The following LPP variants were observed in gnomAD, a reference collection of about 807,000 sequenced individuals.
LPP encodes the protein LIM domain containing preferred translocation partner in lipoma, also known as lipoma-preferred partner.
Under a neutral mutation model 60.4 loss-of-function variants are expected in LPP, and 38 were observed. The observed-to-expected ratio is 0.63, with a 90% confidence interval of 0.49 to 0.83. The LOEUF is 0.83. LPP is among the 40% of genes least tolerant of loss of function. The pLI is 0.00. For missense variants in LPP, 902 were observed against 783.6 expected, an observed-to-expected ratio of 1.15 and a Z score of -1.80; for synonymous variants, 328 against 290.8, an observed-to-expected ratio of 1.13 and a Z score of -1.30.
At chr3:188,155,205 G>GA (rs1359301539) in intron 1 of LPP, among the ~76,000 whole-genome samples, 1 of 152,112 alleles carries the variant, frequency 6.6e-6, no homozygotes, top group Non-Finnish European at 1.5e-5. Flanking sequence ...TAGGAGAACT[G>GA]AAAAATCTCT....
At chr3:188,681,625 ATGCTC>A (rs1654206899) in intron 7 of LPP, among the ~76,000 whole-genome samples, 1 of 152,206 alleles carries the variant, frequency 6.6e-6, no homozygotes, top group Non-Finnish European at 1.5e-5. Context: ...TTCTCAAAGT[ATGCTC>A]TTAACTAATA....
At chr3:188,833,039 G>C (rs1212680021) in intron 9 of LPP, among the ~76,000 whole-genome samples, 1 of 152,218 alleles carries the variant, frequency 6.6e-6, no homozygotes, top group African/African-American at 2.4e-5. Flanking sequence ...GCCCTGCTCT[G>C]CATGCTTGCT....
At chr3:188,240,791 C>G (rs1018615430) in intron 2 of LPP, among the ~76,000 whole-genome samples, 1 of 152,110 alleles carries the variant, frequency 6.6e-6, no homozygotes, top group Non-Finnish European at 1.5e-5. Context: ...CAGGGCTGCT[C>G]TGTCCTCGGC....
chr3:188,604,605 G>T (rs1842054349), intron 6 of LPP, among the ~76,000 whole-genome samples: 8 of 152,102 alleles, frequency 5.3e-5, no homozygotes, highest in Admixed American at 5.2e-4. Flanking sequence ...AGAATTTCTT[G>T]ATTGTCAAGT....
intron 9 of LPP, among the ~76,000 whole-genome samples, chr3:188,799,180 C>G (rs1036036792): frequency 1.3e-5 from 2 of 152,250 alleles, no homozygotes; most frequent in African/African-American, 4.8e-5. Flanking sequence ...GAAGCTCTCA[C>G]TCAGCCAGTT....
chr3:188,660,359 C>G lies in LPP; in HGVS notation c.1114-47908C>G, dbSNP rs78071948. Among the ~76,000 whole-genome samples the G allele has an allele frequency of 1.3e-3, 194 of 152,252 alleles. 3 individuals are homozygous for G. The East Asian group carries it at 0.035, about 28-fold the overall frequency. Reference sequence around the variant, plus strand: ...GAAGGTGCTTCAACCTATCTAAAAGCAAAAACATTCAATAATGTGTACATG... The same window carrying G: ...GAAGGTGCTTCAACCTATCTAAAAGGAAAAACATTCAATAATGTGTACATG... On this transcript the variant is annotated intron_variant, in intron 7 of 11. Coordinates refer to ENST00000617246, the MANE Select transcript of LPP (RefSeq NM_001375462.1).
intron 5 of LPP, among the ~76,000 whole-genome samples, chr3:188,509,869 T>G (rs1262692459): frequency 3.1e-4 from 19 of 61,636 alleles, no homozygotes; most frequent in African/African-American, 7.3e-4. Flanking sequence ...ATTTTTTTTT[T>G]GTTGTTTTTT....
rs1833784170 is a variant in LPP at position 188,572,680 on chromosome 3, TAGGGG to T, written c.430-36480_430-36476del. 6.6e-6 allele frequency among the ~76,000 whole-genome samples: 1 copy of T among 152,116 alleles called. No individual in the cohort carries two copies. Among genetic ancestry groups the T allele is most frequent in the Non-Finnish European group, 1.5e-5 (1 of 68,010 alleles). ...TCATTATGAGGATTAAATTGAATGA[TAGGGG>T]TGTAAGCACTTTGTAAATCCAAGTA... On this transcript the variant is annotated intron_variant, in intron 6 of 11. Transcript: ENST00000617246. This position sits in a 1 kb window ranked among gnomAD's most constrained non-coding sequence, Gnocchi z 4.1.
chr3:188,399,099 A>G (rs1781635768), intron 3 of LPP, among the ~76,000 whole-genome samples: 1 of 152,240 alleles, frequency 6.6e-6, no homozygotes, highest in African/African-American at 2.4e-5. Flanking sequence ...TGTACCATCT[A>G]ATTCCATCAC....
At chr3:188,473,837 G>C (rs541890871) in intron 4 of LPP, among the ~76,000 whole-genome samples, 1 of 152,290 alleles carries the variant, frequency 6.6e-6, no homozygotes, top group East Asian at 1.9e-4. Context: ...GATCAATACA[G>C]TACAGATGGT....
chr3:188,324,380 C>T (rs1288410322), intron 2 of LPP, among the ~76,000 whole-genome samples: 2 of 152,170 alleles, frequency 1.3e-5, no homozygotes, highest in African/African-American at 4.8e-5. Flanking sequence ...TTCCTGTCTC[C>T]TGGCTCTCCT....
intron 10 of LPP, 107 bp from the exon 11 acceptor site, chr3:188,872,536 A>G: frequency 3.3e-6 from 4 of 1,211,040 alleles, no homozygotes; most frequent in Non-Finnish European, 4.8e-6. Context: ...CTTACGGATG[A>G]GGAAGCAGGT....
intron 6 of LPP, chr3:188,584,295 T>C (rs1350844550): frequency 2.0e-5 from 3 of 152,114 alleles, no homozygotes; most frequent in Non-Finnish European, 4.4e-5. Flanking sequence ...TGCTGAGTCA[T>C]GGATGAGAGA....
intron 2 of LPP, among the ~76,000 whole-genome samples, chr3:188,260,870 T>G (rs866177381): frequency 1.6e-4 from 25 of 151,998 alleles, no homozygotes; most frequent in Non-Finnish European, 1.6e-4. Flanking sequence ...CTGTCTCTAC[T>G]AAAAATACAA....
chr3:188,650,506 A>G (rs1828951), intron 7 of LPP, among the ~76,000 whole-genome samples: 145,452 of 152,240 alleles, frequency 0.96, 69,801 homozygotes, highest in East Asian at 1. Flanking sequence ...TCAGAGTCAA[A>G]GGTTGTGGAC....
intron 8 of LPP, among the ~76,000 whole-genome samples, chr3:188,754,017 C>T (rs1729252273): frequency 6.6e-6 from 1 of 152,270 alleles, no homozygotes; most frequent in African/African-American, 2.4e-5. Context: ...TTGCATATTG[C>T]TACATTATGT....
At chr3:188,782,060 TG>T (rs1739967769) in intron 9 of LPP, among the ~76,000 whole-genome samples, 1 of 152,198 alleles carries the variant, frequency 6.6e-6, no homozygotes, top group African/African-American at 2.4e-5. Context: ...TCTTTTTACA[TG>T]GATCTTCTGA....
At chr3:188,388,019 T>C (rs2148646940) in intron 3 of LPP, among the ~76,000 whole-genome samples, 1 of 152,324 alleles carries the variant, frequency 6.6e-6, no homozygotes, top group South Asian at 2.1e-4. Flanking sequence ...GGTATTAGCA[T>C]TTCTCTGGTT....
rs1381423920 is a variant in LPP, at chr3:188,885,418, A to C, written c.*10939A>C. Reference sequence around the variant, plus strand: ...TCCTAGTCCTCATGCCTGAGGAATAAGGGCGACATTAATGGGAGCGGGAGA... The same window carrying C: ...TCCTAGTCCTCATGCCTGAGGAATACGGGCGACATTAATGGGAGCGGGAGA... On this transcript the variant is annotated 3_prime_UTR_variant, in exon 12 of 12. Transcript: ENST00000617246. 1 of 191,310 alleles carries C rather than the reference A, an allele frequency of 5.2e-6. No individual in the cohort carries two copies. Among genetic ancestry groups the C allele is most frequent in the Non-Finnish European group, 1.1e-5 (1 of 91,288 alleles). The allele number at this position is 191,310 out of a possible 1,614,324, so 11.9% of individuals were successfully genotyped here.
Sources: gnomAD v4.1 joint callset for allele counts (sites outside exome capture counted in the v4.1 genomes callset) on GRCh38, gnomAD v4.1.1 for gene constraint, Gnocchi (gnomAD v3.1) non-coding constraint, MANE v1.5 for transcripts, NCBI Gene and HGNC (gene_info 2026-07-23, HGNC 2026-07-21) for gene names.